ATP2C1: variants seen among roughly 807,000 people sequenced by gnomAD.
ATP2C1 encodes ATPase secretory pathway Ca2+ transporting 1.
Under a neutral mutation model 120.5 loss-of-function variants are expected in ATP2C1, and 31 were observed. The observed-to-expected ratio is 0.26, with a 90% CI of 0.19 to 0.35. The LOEUF (loss-of-function observed/expected upper bound fraction) is 0.35. Ranked by LOEUF, ATP2C1 falls within the 10% of genes least tolerant of loss-of-function variation. The pLI, the probability that ATP2C1 is intolerant of heterozygous loss-of-function variation, is 1.00. For missense variants in ATP2C1, 731 were observed against 1,107.5 expected, an observed-to-expected ratio of 0.66 and a Z score of 4.83; for synonymous variants, 351 against 358.7, an observed-to-expected ratio of 0.98 and a Z score of 0.24.
At chr3:130,912,907 G>A (rs1188053217) in intron 2 of ATP2C1, among the ~76,000 whole-genome samples, 1 of 151,952 alleles carries the variant, frequency 6.6e-6, no homozygotes, top group Non-Finnish European at 1.5e-5. Flanking sequence ...TATACACCAT[G>A]GAGTACTATG....
intron 17 of ATP2C1, among the ~76,000 whole-genome samples, chr3:130,974,059 T>C (rs570929520): frequency 6.6e-6 from 1 of 152,216 alleles, no homozygotes; most frequent in South Asian, 2.1e-4. Flanking sequence ...AGGAGGGTGG[T>C]CTCCAGTAAT....
At chr3:130,965,109 A>G (rs2060994915) in intron 14 of ATP2C1, 64 bp downstream of exon 14, 12 of 1,127,568 alleles carry the variant, frequency 1.1e-5, no homozygotes, top group Non-Finnish European at 1.3e-6. Flanking sequence ...GGTGTTTAAC[A>G]TTCCTAACAG....
chr3:130,888,583 G>A (rs975283936), intron 1 of ATP2C1, among the ~76,000 whole-genome samples: 2 of 152,176 alleles, frequency 1.3e-5, no homozygotes, highest in African/African-American at 4.8e-5. Flanking sequence ...GCTGAGCCCA[G>A]CATGGCTTTG....
intron 8 of ATP2C1, among the ~76,000 whole-genome samples, chr3:130,952,977 T>G (rs1476747627): frequency 6.6e-6 from 1 of 152,170 alleles, no homozygotes; most frequent in Non-Finnish European, 1.5e-5. Flanking sequence ...GTGATTCATG[T>G]TAATGTATTG....
At chr3:130,882,380 T>C (rs975128183) in intron 1 of ATP2C1, among the ~76,000 whole-genome samples, 3 of 152,102 alleles carry the variant, frequency 2.0e-5, no homozygotes, top group Non-Finnish European at 2.9e-5. Context: ...TTTATATTTT[T>C]AGTAGAGATG....
chr3:130,968,780 T>C (rs997835706), intron 16 of ATP2C1, among the ~76,000 whole-genome samples: 3 of 152,146 alleles, frequency 2.0e-5, no homozygotes, highest in African/African-American at 4.8e-5. Flanking sequence ...ATTTTTGATA[T>C]TTAGATATTT....
intron 8 of ATP2C1, among the ~76,000 whole-genome samples, chr3:130,944,910 A>G (rs964016264): frequency 3.9e-5 from 6 of 152,246 alleles, no homozygotes; most frequent in African/African-American, 7.2e-5. Context: ...ATTTTTCTGT[A>G]TACTTTAATT....
At chr3:130,902,312 T>TTTTTTTTTTTTTTTTG (rs1559900216) in intron 2 of ATP2C1, among the ~76,000 whole-genome samples, 1 of 76,446 alleles carries the variant, frequency 1.3e-5, no homozygotes, top group African/African-American at 4.1e-5. Context: ...TTTTTTTTTT[T>TTTTTTTTTTTTTTTTG]TTTTTTTTTT....
At chr3:130,955,204 TGTCTCTGTTTAGAAA>T (rs1265659037) in intron 10 of ATP2C1, 124 bp downstream of exon 10, 2 of 734,294 alleles carry the variant, frequency 2.7e-6, no homozygotes, top group East Asian at 5.4e-5. Flanking sequence ...GGAAATCAGT[TGTCTCTGTTTAGAAA>T]CATAATTGGA....
chr3:130,992,304 G>A (rs1411980762), intron 20 of ATP2C1, among the ~76,000 whole-genome samples: 1 of 152,082 alleles, frequency 6.6e-6, no homozygotes, highest in Non-Finnish European at 1.5e-5. Flanking sequence ...GTAGTGTTTT[G>A]TGGAAACACT....
intron 2 of ATP2C1, chr3:130,899,621 C>A (rs945172012): frequency 6.6e-6 from 1 of 152,126 alleles, no homozygotes; most frequent in African/African-American, 2.4e-5. Flanking sequence ...CTTCTGTCTT[C>A]AGGCTTTAAG....
intron 2 of ATP2C1, chr3:130,929,988 G>A (rs2059385151): frequency 3.1e-6 from 1 of 320,162 alleles, no homozygotes; most frequent in Non-Finnish European, 6.0e-6. Context: ...GGGTAGATCA[G>A]CTATGAGCTG....
At chr3:130,930,393 T>A in intron 2 of ATP2C1, 23 bp from the exon 3 acceptor site, 1 of 1,443,026 alleles carries the variant, frequency 6.9e-7, no homozygotes, top group Non-Finnish European at 9.8e-7. Context: ...TTCAAATATT[T>A]TTTCTTTGGT....
rs1201508411 is a variant in ATP2C1, at chr3:130,894,824, G to C, written c.6+49G>C. ...TGCAACGCGGAGTTGAGGGTGTGGT[G>C]GTTTGCTTTTAAGTTGTCTTTGTTT... On this transcript the variant is annotated intron_variant, in intron 2 of 27. Coordinates refer to ENST00000510168, the MANE Select transcript of ATP2C1 (RefSeq NM_001378687.1). The surrounding 1 kb of genome is among the most constrained non-coding windows in gnomAD (Gnocchi z 4.5). The C allele has an allele frequency of 3.8e-6, 6 of 1,559,710 alleles. 1 individual carries two copies. In the East Asian group the frequency reaches 1.1e-4, roughly 29 times the overall value.
Position 130,997,725 on chromosome 3 carries a change from G to T in ATP2C1, c.2363G>T (p.Cys788Phe), listed in dbSNP as rs1001667011. ...CTTGTTTCATCAATAATCATTGTTT[G>T]TGGGACTTTGTTTGTCTTCTGGCGT... The part of the protein sequence containing the change: ...KILVSSIIIV[C>F]GTLFVFWREL... The change falls in exon 25 of 28, where the codon TGT becomes TTT. Residue 788 changes from cysteine to phenylalanine, a missense_variant. By Grantham distance (205) the Cys-to-Phe change is radical. Coordinates refer to ENST00000510168, the MANE Select transcript of ATP2C1 (RefSeq NM_001378687.1). The T allele has an allele frequency of 4.3e-6, 7 of 1,613,530 alleles. No individual in the cohort carries two copies. In the Admixed American group the frequency reaches 5.0e-5, roughly 12 times the overall value.
intron 1 of ATP2C1, among the ~76,000 whole-genome samples, chr3:130,875,333 A>T (rs1368677702): frequency 6.6e-6 from 1 of 152,174 alleles, no homozygotes; most frequent in Non-Finnish European, 1.5e-5. Flanking sequence ...ATTTACTTCT[A>T]TGAGTTCAAC....
Position 130,955,085 on chromosome 3 carries a change from G to C in ATP2C1, c.756+5G>C, listed in dbSNP as rs755357827. 3.2e-6 allele frequency: 5 copies of C among 1,579,928 alleles called. No individual in the cohort carries two copies. In the Admixed American group the frequency reaches 6.7e-5, roughly 21 times the overall value. On this transcript the variant is annotated splice_donor_5th_base_variant and intron_variant, in intron 10 of 27. Transcript: ENST00000510168. The stretch of plus-strand genomic sequence containing the variant: ...AAAATGATGCAAGCAGAAGAGGTGA[G>C]TACTTAATATGTTAATGATGTATTT...
In ATP2C1 at chr3:131,001,929, C is replaced by G. The variant is rs1023267033; in HGVS notation, c.*579C>G. On this transcript the variant is annotated 3_prime_UTR_variant, in exon 28 of 28. Transcript: ENST00000510168. ...ATGTGACCACTGTCAGATCACTGTT[C>G]TTTTCTTTCTTTTTGTGATTGAAAA... is the stretch of plus-strand genomic sequence containing the variant. 4 of 984,512 alleles carry G rather than the reference C, an allele frequency of 4.1e-6. No homozygotes were observed. Among genetic ancestry groups the G allele is most frequent in the Non-Finnish European group, 4.8e-6 (4 of 828,812 alleles). The allele number at this position is 984,512 out of a possible 1,614,324, so 61.0% of individuals were successfully genotyped here. A position where few individuals can be genotyped will look rare whatever the true frequency, so the allele number is the denominator to read the frequency against.
chr3:130,860,443 T>C (rs1467817731), intron 1 of ATP2C1, among the ~76,000 whole-genome samples: 4 of 152,270 alleles, frequency 2.6e-5, no homozygotes, highest in Non-Finnish European at 4.4e-5. Flanking sequence ...ACTTAGGTTA[T>C]GCATTCAAGA....
Sources: allele counts gnomAD v4.1 joint callset (sites outside exome capture counted in the v4.1 genomes callset), GRCh38; gene constraint gnomAD v4.1.1; non-coding constraint Gnocchi (gnomAD v3.1); transcripts MANE v1.5; gene names NCBI Gene and HGNC (gene_info 2026-07-23, HGNC 2026-07-21).